Variants in TTC28 observed in about 807,000 individuals in gnomAD.
The protein encoded by TTC28 is tetratricopeptide repeat protein 28.
A neutral mutation model predicts 198.0 loss-of-function variants in TTC28; 61 were observed. The observed-to-expected ratio is 0.31, with a 90% confidence interval of 0.25 to 0.38. The LOEUF (loss-of-function observed/expected upper bound fraction) is 0.38. Among genes scored for constraint, TTC28 ranks in the 10% least tolerant of loss-of-function variants. The pLI is 1.00. For missense variants in TTC28, 2,678 were observed against 3,164.0 expected (o/e 0.85, Z 3.69); for synonymous variants, 1,171 against 1,297.8 (o/e 0.90, Z 2.10).
chr22:28,476,329 G>A (rs1363392474), intron 2 of TTC28, among the ~76,000 whole-genome samples: 1 of 152,140 alleles, frequency 6.6e-6, no homozygotes, highest in African/African-American at 2.4e-5. Context: ...ATAACGTTGT[G>A]TAATATGTGA....
rs1937001603 is a variant in TTC28 at position 27,981,229 on chromosome 22, A to ATTTTTTTTTTTTTTTTTTT, written c.*991_*992insAAAAAAAAAAAAAAAAAAA. 1 of 72,686 alleles carries ATTTTTTTTTTTTTTTTTTT rather than the reference A, an allele frequency of 1.4e-5. No individual in the cohort carries two copies. Among genetic ancestry groups the ATTTTTTTTTTTTTTTTTTT allele is most frequent in the African/African-American group, 4.9e-5 (1 of 20,420 alleles). 4.5% of individuals were successfully genotyped at this position (72,686 alleles called of 1,614,324 possible). On this transcript the variant is annotated 3_prime_UTR_variant, in exon 23 of 23. Transcript: ENST00000397906. Reference sequence around the variant, plus strand: ...CTGGTTAAATCTAGTTAGCCATGGAAATTTTTTTTTTTTTTTTTTTTTTTT... The same window carrying ATTTTTTTTTTTTTTTTTTT: ...CTGGTTAAATCTAGTTAGCCATGGAATTTTTTTTTTTTTTTTTTTATTTTTTTTTTTTTTTTTTTTTTTT...
At chr22:28,492,427 T>A (rs1290836692) in intron 2 of TTC28, among the ~76,000 whole-genome samples, 1 of 151,994 alleles carries the variant, frequency 6.6e-6, no homozygotes, top group African/African-American at 2.4e-5. Context: ...CAATTAAAGC[T>A]AACAAATTAA....
At chr22:28,208,971 C>T (rs1188101104) in intron 5 of TTC28, among the ~76,000 whole-genome samples, 1 of 152,180 alleles carries the variant, frequency 6.6e-6, no homozygotes, top group Non-Finnish European at 1.5e-5. Flanking sequence ...GAGACAATTA[C>T]TTGAAAACCA....
At chr22:28,595,753 A>T (rs935230573) in intron 2 of TTC28, among the ~76,000 whole-genome samples, 1 of 152,134 alleles carries the variant, frequency 6.6e-6, no homozygotes, top group African/African-American at 2.4e-5. Flanking sequence ...GTGAAACCCC[A>T]TCTCTACTAA....
At chr22:28,028,163 C>T (rs925461709) in intron 13 of TTC28, among the ~76,000 whole-genome samples, 8 of 152,210 alleles carry the variant, frequency 5.3e-5, no homozygotes, top group South Asian at 2.1e-4. Context: ...TGCAGAGACC[C>T]CTTCAATTTC....
intron 2 of TTC28, among the ~76,000 whole-genome samples, chr22:28,310,177 A>C (rs1000444150): frequency 3.9e-5 from 5 of 127,872 alleles, no homozygotes; most frequent in South Asian, 2.4e-4. Flanking sequence ...CACACACAAA[A>C]AACAAGACAA....
chr22:28,547,948 G>A (rs955991950), intron 2 of TTC28, among the ~76,000 whole-genome samples: 4 of 151,404 alleles, frequency 2.6e-5, no homozygotes, highest in African/African-American at 9.7e-5. Context: ...AAGAATACTA[G>A]ATACGAAAAT....
At chr22:28,664,847 A>C (rs2051807592) in intron 1 of TTC28, among the ~76,000 whole-genome samples, 1 of 8,410 alleles carries the variant, frequency 1.2e-4, no homozygotes, top group Non-Finnish European at 2.1e-4. Flanking sequence ...CATAATTGTC[A>C]GATTCACCAA....
chr22:28,527,841 C>T (rs2049037923), intron 2 of TTC28, among the ~76,000 whole-genome samples: 1 of 152,126 alleles, frequency 6.6e-6, no homozygotes, highest in Non-Finnish European at 1.5e-5. Context: ...CCATGTTGCC[C>T]AGGCTGGTCT....
intron 13 of TTC28, among the ~76,000 whole-genome samples, chr22:28,017,786 A>G (rs1938430123): frequency 1.3e-5 from 2 of 152,288 alleles, no homozygotes; most frequent in South Asian, 4.1e-4. Flanking sequence ...GGGGATGAGC[A>G]TAAGGAGGCC....
intron 12 of TTC28, among the ~76,000 whole-genome samples, chr22:28,059,366 T>C (rs1381565395): frequency 6.6e-6 from 1 of 152,092 alleles, no homozygotes; most frequent in East Asian, 1.9e-4. Flanking sequence ...TTTAGTAGTG[T>C]ATTTAATTTC....
At chr22:28,539,618 A>G (rs2049367750) in intron 2 of TTC28, among the ~76,000 whole-genome samples, 2 of 151,862 alleles carry the variant, frequency 1.3e-5, no homozygotes, top group Admixed American at 6.6e-5. Context: ...CCTGGGCAAC[A>G]GAGTGAGACA....
chr22:28,001,884 G>A (rs1937712638), intron 14 of TTC28: 1 of 280,742 alleles, frequency 3.6e-6, no homozygotes, highest in African/African-American at 2.1e-5. Flanking sequence ...GAGAAGGGGT[G>A]GGAATGGCCC....
chr22:28,264,275 G>GT (rs1931532341), intron 5 of TTC28, among the ~76,000 whole-genome samples: 1 of 152,128 alleles, frequency 6.6e-6, no homozygotes, highest in Admixed American at 6.6e-5. Flanking sequence ...CTGCTGCCAT[G>GT]TAAGACATGC....
At chr22:28,436,024 G>A (rs2047514291) in intron 2 of TTC28, among the ~76,000 whole-genome samples, 1 of 152,114 alleles carries the variant, frequency 6.6e-6, no homozygotes, top group Non-Finnish European at 1.5e-5. Flanking sequence ...AAATTCAGTG[G>A]CGTTTAGTAC....
At chr22:27,996,394 G>T in intron 16 of TTC28, 135 bp from the exon 17 acceptor site, 1 of 1,331,738 alleles carries the variant, frequency 7.5e-7, no homozygotes, top group Non-Finnish European at 1.0e-6. Flanking sequence ...CAGCTCACAG[G>T]CTGGCCTGGG....
intron 12 of TTC28, among the ~76,000 whole-genome samples, chr22:28,043,607 C>T (rs1939751386): frequency 6.6e-6 from 1 of 151,936 alleles, no homozygotes; most frequent in Non-Finnish European, 1.5e-5. Context: ...CCTCCCACAG[C>T]CCAGGGGTTC....
At chr22:28,227,701 T>C (rs1250378301) in intron 5 of TTC28, among the ~76,000 whole-genome samples, 2 of 151,540 alleles carry the variant, frequency 1.3e-5, no homozygotes, top group African/African-American at 4.9e-5. Context: ...TTATTACAGA[T>C]TTGAAAAAAA....
intron 13 of TTC28, among the ~76,000 whole-genome samples, chr22:28,015,548 G>A (rs1303627268): frequency 6.6e-6 from 1 of 151,876 alleles, no homozygotes; most frequent in Non-Finnish European, 1.5e-5. Context: ...TCAGCCTCCT[G>A]AGGAGTTGGG....
Sources: gnomAD v4.1 joint callset for allele counts (sites outside exome capture counted in the v4.1 genomes callset) on GRCh38, gnomAD v4.1.1 for gene constraint, MANE v1.5 for transcripts, NCBI Gene and HGNC (gene_info 2026-07-23, HGNC 2026-07-21) for gene names.